Variants in ITGB3 observed in about 807,000 individuals in gnomAD.
The protein encoded by ITGB3 is integrin subunit beta 3.
A neutral mutation model predicts 85.8 loss-of-function variants in ITGB3; 48 were observed. The ratio of observed to expected loss-of-function variants is 0.56; its 90% CI spans 0.44 to 0.71. ITGB3 has a LOEUF of 0.71. Among genes scored for constraint, ITGB3 ranks in the 30% least tolerant of loss-of-function variants. ITGB3 has a pLI of 0.00. For synonymous variants in ITGB3, 363 were observed against 395.6 expected, an observed-to-expected ratio of 0.92 and a Z score of 0.98; for missense variants, 861 against 1,019.1, an observed-to-expected ratio of 0.84 and a Z score of 2.11.
At chr17:47,295,618 G>A (rs996537191) in intron 10 of ITGB3, among the ~76,000 whole-genome samples, 5 of 152,154 alleles carry the variant, frequency 3.3e-5, no homozygotes, top group Admixed American at 1.3e-4. Context: ...GGCCCATCTT[G>A]TCAAAGATCA....
chr17:47,272,752 C>A (rs976872210), intron 1 of ITGB3, among the ~76,000 whole-genome samples: 3 of 130,780 alleles, frequency 2.3e-5, no homozygotes, highest in Non-Finnish European at 4.9e-5. Flanking sequence ...TTCTTTCTCT[C>A]TCCTTCCTTC....
intron 1 of ITGB3, among the ~76,000 whole-genome samples, chr17:47,274,103 C>T (rs1463775472): frequency 6.6e-6 from 1 of 152,180 alleles, no homozygotes; most frequent in East Asian, 1.9e-4. Flanking sequence ...ATGTAGGTGT[C>T]AAACCAGTTG....
Position 47,253,845 on chromosome 17 carries a change from C to A in ITGB3, c.-17C>A. 1 of 1,208,074 alleles carries A rather than the reference C, an allele frequency of 8.3e-7. No individual in the cohort carries two copies. The highest frequency in any genetic ancestry group is 1.0e-6 in the Non-Finnish European group (1 of 972,170). The allele number at this position is 1,208,074 out of a possible 1,614,324, so 74.8% of individuals were successfully genotyped here. ...GCCCACTGTGGGGCGGGCGGAGCGCCGCGGGAGGCGGACGAGATGCGAGCG... is the reference window on the plus strand; with the variant it reads ...GCCCACTGTGGGGCGGGCGGAGCGCAGCGGGAGGCGGACGAGATGCGAGCG... On this transcript the variant is annotated 5_prime_UTR_variant, in exon 1 of 15. Transcript: ENST00000559488.
At chr17:47,293,415 G>A (rs2065134770) in intron 10 of ITGB3, among the ~76,000 whole-genome samples, 1 of 152,134 alleles carries the variant, frequency 6.6e-6, no homozygotes, top group African/African-American at 2.4e-5. Context: ...ACTCTCAGAG[G>A]GCAAATAGTC....
intron 3 of ITGB3, 151 bp from the exon 4 acceptor site, chr17:47,284,292 G>C (rs564316658): frequency 2.4e-6 from 2 of 822,906 alleles, no homozygotes; most frequent in East Asian, 5.2e-5. Flanking sequence ...GAGATTAGAA[G>C]AGTAATAGAA....
chr17:47,310,453 C>A lies in ITGB3; in HGVS notation c.*249C>A, dbSNP rs1230068578. 1.7e-6 allele frequency: 1 copy of A among 576,966 alleles called. No individual in the cohort carries two copies. Among genetic ancestry groups the A allele is most frequent in the African/African-American group, 1.9e-5 (1 of 54,052 alleles). The allele number at this position is 576,966 out of a possible 1,614,324, so 35.7% of individuals were successfully genotyped here. A position where few individuals can be genotyped will look rare whatever the true frequency, so the allele number is the denominator to read the frequency against. ...GTGATGTGTCCTGATAAGCTGAGCTCCTTAGCCTTTGTCCCAGAATGCCTC... is the reference window on the plus strand; with the variant it reads ...GTGATGTGTCCTGATAAGCTGAGCTACTTAGCCTTTGTCCCAGAATGCCTC... On this transcript the variant is annotated 3_prime_UTR_variant, in exon 15 of 15. Transcript: ENST00000559488.
In ITGB3 at chr17:47,287,053, T is replaced by C. The variant is rs745999570; in HGVS notation, c.778-17T>C. Reference sequence around the variant, plus strand: ...GTTTTGTCTCCTCTGCCTTTGTTTTTTGTTTTCTTTTAACAGGAAAAGATT... The same window carrying C: ...GTTTTGTCTCCTCTGCCTTTGTTTTCTGTTTTCTTTTAACAGGAAAAGATT... On this transcript the variant is annotated splice_polypyrimidine_tract_variant and intron_variant, in intron 5 of 14. Transcript: ENST00000559488. The C allele has an allele frequency of 6.2e-7, 1 of 1,613,358 alleles. No individual in the cohort carries two copies. Among genetic ancestry groups the C allele is most frequent in the South Asian group, 1.1e-5 (1 of 91,070 alleles).
chr17:47,284,466 C>A lies in ITGB3; in HGVS notation c.385C>A (p.Gln129Lys), dbSNP rs281864909. 2 of 1,614,024 alleles carry A rather than the reference C, an allele frequency of 1.2e-6. No individual in the cohort carries two copies. ...AGATGATTCGAAGAATTTCTCCATC[C>A]AAGTGCGGCAGGTGGAGGATTACCC... ...RPDDSKNFSI[Q>K]VRQVEDYPVD... Residue 129 changes from glutamine to lysine, a missense_variant, in exon 4 of 15, where the codon CAA becomes AAA. Gln to Lys is a moderately conservative substitution (Grantham distance 53). Coordinates refer to ENST00000559488, the MANE Select transcript of ITGB3 (RefSeq NM_000212.3).
In ITGB3 at chr17:47,297,854, C is replaced by G. The variant is rs2065151343; in HGVS notation, c.1691-1454C>G. Among the ~76,000 whole-genome samples, 4 of 140,864 alleles carry G rather than the reference C, an allele frequency of 2.8e-5. No homozygotes were observed. The South Asian group carries it at 9.0e-4, about 32-fold the overall frequency. The allele number at this position is 140,864 out of a possible 152,430, so 92.4% of individuals were successfully genotyped here. ...CAATGATTGCACCACTGCACTGTAG[C>G]CTGGGTGATAGGGTGAGACTCTGTC... On this transcript the variant is annotated intron_variant, in intron 10 of 14. Coordinates refer to ENST00000559488, the MANE Select transcript of ITGB3 (RefSeq NM_000212.3).
chr17:47,266,007 G>C (rs1040753404), intron 1 of ITGB3, among the ~76,000 whole-genome samples: 1 of 152,126 alleles, frequency 6.6e-6, no homozygotes, highest in African/African-American at 2.4e-5. Flanking sequence ...TTTAAGGAAG[G>C]ACCAAAATTA....
At chr17:47,268,881 C>T (rs1472561268) in intron 1 of ITGB3, among the ~76,000 whole-genome samples, 2 of 152,232 alleles carry the variant, frequency 1.3e-5, no homozygotes, top group Non-Finnish European at 2.9e-5. Flanking sequence ...CAGAGGCTCT[C>T]CATGAGGGCC....
chr17:47,295,479 G>A (rs191423019), intron 10 of ITGB3, among the ~76,000 whole-genome samples: 2 of 152,068 alleles, frequency 1.3e-5, no homozygotes, highest in Admixed American at 1.3e-4. Context: ...CCTCCCTTTT[G>A]CTGGAAGGGT....
intron 2 of ITGB3, among the ~76,000 whole-genome samples, chr17:47,282,869 T>C (rs1245085869): frequency 2.0e-5 from 3 of 152,224 alleles, no homozygotes; most frequent in Admixed American, 6.5e-5. Context: ...TTGTACACTT[T>C]CATATTTTCT....
chr17:47,303,817 C>T (rs1295910172), intron 13 of ITGB3: 1 of 152,202 alleles, frequency 6.6e-6, no homozygotes, highest in Non-Finnish European at 1.5e-5. Context: ...TATTAGAAAA[C>T]ATTTTTGAGT....
At chr17:47,286,937 G>GAC (rs1387884919) in intron 5 of ITGB3, 133 bp from the exon 6 acceptor site, 1 of 832,220 alleles carries the variant, frequency 1.2e-6, no homozygotes, top group African/African-American at 1.7e-5. Context: ...CTGGGACTGA[G>GAC]ACCCTTGTTT....
intron 6 of ITGB3, among the ~76,000 whole-genome samples, chr17:47,287,942 T>TC (rs2065109465): frequency 7.1e-6 from 1 of 140,244 alleles, no homozygotes; most frequent in African/African-American, 2.7e-5. Flanking sequence ...TTTTTTTTTT[T>TC]TGATACAGAG....
Position 47,307,530 on chromosome 17 carries a change from CT to C in ITGB3, c.2195del (p.Leu732ProfsTer97). 1 of 1,614,150 alleles carries C rather than the reference CT, an allele frequency of 6.2e-7. No individual in the cohort carries two copies. The highest frequency in any genetic ancestry group is 8.5e-7 in the Non-Finnish European group (1 of 1,180,014). Reference protein sequence around the residue: ...VLLSVMGAILLIGLAALLIWK... With the variant: ...VLLSVMGAILXIGLAALLIWK... ...GCTCTCAGTGATGGGGGCCATTCTG[CT>C]CATTGGCCTTGCCGCCCTGCTCATC... is the stretch of plus-strand genomic sequence containing the variant. On this transcript the variant is annotated frameshift_variant, in exon 14 of 15. Coordinates refer to ENST00000559488, the MANE Select transcript of ITGB3 (RefSeq NM_000212.3). LOFTEE classifies it high-confidence loss of function.
At chr17:47,255,999 A>T (rs903944284) in intron 1 of ITGB3, among the ~76,000 whole-genome samples, 13 of 152,044 alleles carry the variant, frequency 8.6e-5, no homozygotes, top group South Asian at 2.1e-4. Context: ...AAATAAATAC[A>T]TAATTAAAAA....
At chr17:47,262,311 C>G (rs1273439197) in intron 1 of ITGB3, among the ~76,000 whole-genome samples, 4 of 152,174 alleles carry the variant, frequency 2.6e-5, no homozygotes, top group African/African-American at 9.7e-5. Flanking sequence ...CAATAGGGCA[C>G]CCCTGGGCTG....
Sources: gnomAD v4.1 joint callset for allele counts (sites outside exome capture counted in the v4.1 genomes callset) on GRCh38, gnomAD v4.1.1 for gene constraint, MANE v1.5 for transcripts, NCBI Gene and HGNC (gene_info 2026-07-23, HGNC 2026-07-21) for gene names.